The following GALNT15 variants were observed in gnomAD, a reference collection of about 807,000 sequenced individuals.
The protein encoded by GALNT15 is polypeptide N-acetylgalactosaminyltransferase 15.
In GALNT15, 67 loss-of-function variants were observed where a neutral mutation model predicts 66.8. The ratio of observed to expected loss-of-function variants is 1.00; its 90% CI spans 0.82 to 1.23. The LOEUF is 1.23. GALNT15 is among the 50% of genes most tolerant of loss of function. The probability of loss-of-function intolerance (pLI) is 0.00; values close to 1 mark genes in which losing one functional copy is unlikely to be tolerated. For missense variants in GALNT15, 827 were observed against 804.3 expected (o/e 1.03, Z -0.34); for synonymous variants, 313 against 311.5 (o/e 1.00, Z -0.05).
At position 16,211,035 on chromosome 3, in the gene GALNT15, A is replaced by C. The variant is rs1324823596; in HGVS notation, c.1080-89A>C. 2.3e-6 allele frequency: 2 copies of C among 870,442 alleles called. No individual in the cohort carries two copies. The highest frequency in any genetic ancestry group is 3.3e-5 in the African/African-American group (2 of 59,736). The allele number at this position is 870,442 out of a possible 1,614,324, so 53.9% of individuals were successfully genotyped here. On this transcript the variant is annotated intron_variant, in intron 4 of 9. Coordinates refer to ENST00000339732, the MANE Select transcript of GALNT15 (RefSeq NM_054110.5). The surrounding 1 kb of genome is among the most constrained non-coding windows in gnomAD (Gnocchi z 4.3). ...TAAAGCCTGTTCTCTCAGCCACTGG[A>C]GCTCCCACCTGGGAAGCCCCAGCCC...
intron 1 of GALNT15, among the ~76,000 whole-genome samples, chr3:16,185,686 C>T (rs1196733375): frequency 6.6e-6 from 1 of 152,154 alleles, no homozygotes; most frequent in African/African-American, 2.4e-5. Flanking sequence ...ATCATTGTCC[C>T]TTTATGACTC....
chr3:16,230,179 C>T (rs2064068579), downstream of GALNT15, among the ~76,000 whole-genome samples: 1 of 152,178 alleles, frequency 6.6e-6, no homozygotes, highest in African/African-American at 2.4e-5. This position sits in a 1 kb window ranked among gnomAD's most constrained non-coding sequence, Gnocchi z 4.5. Context: ...AGTTCATCAT[C>T]ATTATTAACT....
At position 16,229,367 on chromosome 3, in the gene GALNT15, T is replaced by C. The variant is rs1297551533; in HGVS notation, c.*1867T>C. On this transcript the variant is annotated 3_prime_UTR_variant, in exon 10 of 10. Transcript: ENST00000339732. Reference sequence around the variant, plus strand: ...TTAAAACTCAATTCCTCAATTGGGCTGGCCACATTTCAAATGCTCACTACC... The same window carrying C: ...TTAAAACTCAATTCCTCAATTGGGCCGGCCACATTTCAAATGCTCACTACC... The C allele has an allele frequency of 2.4e-6, 2 of 843,800 alleles. No homozygotes were observed. The highest frequency in any genetic ancestry group is 2.9e-6 in the Non-Finnish European group (2 of 701,180). The allele number at this position is 843,800 out of a possible 1,614,324, so 52.3% of individuals were successfully genotyped here.
At chr3:16,220,334 T>C (rs1205371348) in intron 8 of GALNT15, 1 of 346,664 alleles carries the variant, frequency 2.9e-6, no homozygotes, top group Non-Finnish European at 5.5e-6. Flanking sequence ...GATTGCAAAC[T>C]CAGAAGCCTC....
At chr3:16,206,831 A>G (rs1360167890) in intron 3 of GALNT15, among the ~76,000 whole-genome samples, 1 of 152,170 alleles carries the variant, frequency 6.6e-6, no homozygotes, top group Non-Finnish European at 1.5e-5. Flanking sequence ...ATTCAGCCAC[A>G]CAGTTCCCTG....
chr3:16,188,370 A>C lies in GALNT15; in HGVS notation c.540-7390A>C, dbSNP rs1416751556. 6.6e-6 allele frequency among the ~76,000 whole-genome samples: 1 copy of C among 152,264 alleles called. No individual in the cohort carries two copies. The highest frequency in any genetic ancestry group is 1.5e-5 in the Non-Finnish European group (1 of 68,044). Reference sequence around the variant, plus strand: ...CAGTTTTATTTAAAAATGTTGGATTAGTGGTCAACATTTAAAAATTAAGAT... The same window carrying C: ...CAGTTTTATTTAAAAATGTTGGATTCGTGGTCAACATTTAAAAATTAAGAT... On this transcript the variant is annotated intron_variant, in intron 1 of 9. Transcript: ENST00000339732. The surrounding 1 kb of genome is among the most constrained non-coding windows in gnomAD (Gnocchi z 4.6).
chr3:16,222,768 C>A lies in GALNT15; in HGVS notation c.1773+10C>A, dbSNP rs780568757. The A allele has an allele frequency of 1.2e-6, 2 of 1,613,742 alleles. No individual in the cohort carries two copies. Among genetic ancestry groups the A allele is most frequent in the East Asian group, 4.5e-5 (2 of 44,882 alleles). On this transcript the variant is annotated intron_variant, in intron 9 of 9. Coordinates refer to ENST00000339732, the MANE Select transcript of GALNT15 (RefSeq NM_054110.5). Reference sequence around the variant, plus strand: ...CTGGGACTTCCAGGAGGTGAGTAATCTGTTCAGGAAGAGCCTGGTAGTGCT... The same window carrying A: ...CTGGGACTTCCAGGAGGTGAGTAATATGTTCAGGAAGAGCCTGGTAGTGCT...
chr3:16,200,721 G>T lies in GALNT15; in HGVS notation c.809G>T (p.Gly270Val). ...RLGAIRARMLGATRATGDVLV... is the reference protein window; with the variant it reads ...RLGAIRARMLVATRATGDVLV... ...GGTGCCATCAGGGCCCGGATGCTGG[G>T]GGCCACCAGAGCCACCGGGGATGTG... Residue 270 changes from glycine (G) to valine (V), a missense_variant, in exon 3 of 10, where the codon GGG becomes GTG. Physicochemically the swap from Gly to Val is moderately radical, Grantham distance 109. Coordinates refer to ENST00000339732, the MANE Select transcript of GALNT15 (RefSeq NM_054110.5). This position sits in a 1 kb window ranked among gnomAD's most constrained non-coding sequence, Gnocchi z 4.4. 3.1e-6 allele frequency: 5 copies of T among 1,611,722 alleles called. No individual in the cohort carries two copies. The highest frequency in any genetic ancestry group is 4.2e-6 in the Non-Finnish European group (5 of 1,179,052).
chr3:16,202,146 G>T (rs531066557), intron 3 of GALNT15, among the ~76,000 whole-genome samples: 4 of 152,326 alleles, frequency 2.6e-5, no homozygotes, highest in Admixed American at 6.5e-5. Context: ...GGTTTCAAAC[G>T]TTCAAATGAC....
chr3:16,207,054 A>G (rs1221633105), intron 3 of GALNT15, among the ~76,000 whole-genome samples: 2 of 152,190 alleles, frequency 1.3e-5, no homozygotes, highest in Non-Finnish European at 2.9e-5. Context: ...TTCCAGCAGA[A>G]ACAATGTGAA....
chr3:16,223,265 G>T (rs540775943), intron 9 of GALNT15, among the ~76,000 whole-genome samples: 1 of 152,170 alleles, frequency 6.6e-6, no homozygotes, highest in African/African-American at 2.4e-5. Context: ...TATTACCCTG[G>T]GGGAAAGAAA....
rs1222807520 is a variant in GALNT15 at position 16,188,805 on chromosome 3, T to A, written c.540-6955T>A. 1.3e-5 allele frequency among the ~76,000 whole-genome samples: 2 copies of A among 150,750 alleles called. No individual in the cohort carries two copies. Among genetic ancestry groups the A allele is most frequent in the Non-Finnish European group, 3.0e-5 (2 of 67,686 alleles). ...TTGGGTGGGAGCGGGGGAGGAAGAGTGGATAGATTGCAAAGCAGATGACAG... is the reference window on the plus strand; with the variant it reads ...TTGGGTGGGAGCGGGGGAGGAAGAGAGGATAGATTGCAAAGCAGATGACAG... On this transcript the variant is annotated intron_variant, in intron 1 of 9. Transcript: ENST00000339732. This position sits in a 1 kb window ranked among gnomAD's most constrained non-coding sequence, Gnocchi z 4.6.
chr3:16,206,674 A>T lies in GALNT15; in HGVS notation c.912-1829A>T, dbSNP rs1433299126. Among the ~76,000 whole-genome samples, 796 of 148,102 alleles carry T rather than the reference A, an allele frequency of 5.4e-3. 11 individuals are homozygous for T. The highest frequency in any genetic ancestry group is 0.019 in the African/African-American group (775 of 39,998). On this transcript the variant is annotated intron_variant, in intron 3 of 9. Transcript: ENST00000339732. ...GATAACAAAGCGAGACTCTGTCTAA[A>T]AAAAAAAAAAAAAAAAAAAAAGAAA...
chr3:16,199,564 T>G lies in GALNT15; in HGVS notation c.707-1055T>G, dbSNP rs1035440501. Among the ~76,000 whole-genome samples, 3 of 142,170 alleles carry G rather than the reference T, an allele frequency of 2.1e-5. 1 individual carries two copies. Among genetic ancestry groups the G allele is most frequent in the African/African-American group, 7.9e-5 (3 of 38,156 alleles). The allele number at this position is 142,170 out of a possible 152,430, so 93.3% of individuals were successfully genotyped here. On this transcript the variant is annotated intron_variant, in intron 2 of 9. Coordinates refer to ENST00000339732, the MANE Select transcript of GALNT15 (RefSeq NM_054110.5). ...GCAGGGCCTGAGATGGAGATTCACG[T>G]GCATTTGATTTTTTTGAGGGTGTAC...
At chr3:16,205,523 C>T (rs1465374039) in intron 3 of GALNT15, among the ~76,000 whole-genome samples, 1 of 152,164 alleles carries the variant, frequency 6.6e-6, no homozygotes, top group African/African-American at 2.4e-5. Context: ...CAACCTTGTA[C>T]CTGCCTGAGG....
At position 16,175,445 on chromosome 3, in the gene GALNT15, C is replaced by T. The variant is rs11923725; in HGVS notation, c.294C>T (p.Ala98=). ...ISLREDQLLV[A]VALPQARRNQ... ...TGCGGGAGGATCAGCTGCTGGTGGC[C>T]GTGGCCTTACCCCAGGCCAGAAGGA... The change falls in exon 1 of 10, where the codon GCC becomes GCT. Residue 98 remains alanine (A), a synonymous_variant. Coordinates refer to ENST00000339732, the MANE Select transcript of GALNT15 (RefSeq NM_054110.5). This position sits in a 1 kb window ranked among gnomAD's most constrained non-coding sequence, Gnocchi z 5.6. The T allele has an allele frequency of 2.8e-3, 4,523 of 1,614,144 alleles. 134 individuals are homozygous for T. In the African/African-American group the frequency reaches 0.054, roughly 19 times the overall value.
chr3:16,233,763 T>G (rs1035946997), downstream of GALNT15, among the ~76,000 whole-genome samples: 1 of 152,178 alleles, frequency 6.6e-6, no homozygotes, highest in Non-Finnish European at 1.5e-5. Flanking sequence ...CTCCAAAGGA[T>G]TTTTAGAACA....
In GALNT15 at chr3:16,175,223, A is replaced by G; in HGVS notation, c.72A>G (p.Gly24=). 1 of 1,614,110 alleles carries G rather than the reference A, an allele frequency of 6.2e-7. No individual in the cohort carries two copies. The highest frequency in any genetic ancestry group is 1.3e-5 in the African/African-American group (1 of 75,018). The change falls in exon 1 of 10, where the codon GGA becomes GGG. Residue 24 remains glycine (G), a synonymous_variant. Coordinates refer to ENST00000339732, the MANE Select transcript of GALNT15 (RefSeq NM_054110.5). This position sits in a 1 kb window ranked among gnomAD's most constrained non-coding sequence, Gnocchi z 5.6. ...TCCTCCTGCTGCTCCTGATGCTGGGATGCGTCCTGATGATGGTGGCGATGT... is the reference window on the plus strand; with the variant it reads ...TCCTCCTGCTGCTCCTGATGCTGGGGTGCGTCCTGATGATGGTGGCGATGT... ...LQFLLLLLML[G]CVLMMVAMLH...
rs1000227925 is a variant in GALNT15 at position 16,200,649 on chromosome 3, T to C, written c.737T>C (p.Val246Ala). Residue 246 changes from valine to alanine, a missense_variant, in exon 3 of 10, where the codon GTG (valine) becomes GCG (alanine). Val to Ala is a moderately conservative substitution (Grantham distance 64). Transcript: ENST00000339732. This position sits in a 1 kb window ranked among gnomAD's most constrained non-coding sequence, Gnocchi z 4.4. ...CTCAAGTCTGCTCTCAGCGAATATG[T>C]GGCCAGGCTGGAGGGGGTGAAGTTA... ...GQLKSALSEYVARLEGVKLLR... is the reference protein window; with the variant it reads ...GQLKSALSEYAARLEGVKLLR... The C allele has an allele frequency of 1.3e-6, 2 of 1,583,108 alleles. No homozygotes were observed. The highest frequency in any genetic ancestry group is 1.8e-5 in the Admixed American group (1 of 55,984).
Sources: gnomAD v4.1 joint callset for allele counts (sites outside exome capture counted in the v4.1 genomes callset) on GRCh38, gnomAD v4.1.1 for gene constraint, Gnocchi (gnomAD v3.1) non-coding constraint, MANE v1.5 for transcripts, NCBI Gene and HGNC (gene_info 2026-07-23, HGNC 2026-07-21) for gene names.